The following SLC9C1 variants were observed in gnomAD, a reference collection of about 807,000 sequenced individuals.
SLC9C1 encodes the protein solute carrier family 9 member C1.
Under a neutral mutation model 140.9 loss-of-function variants are expected in SLC9C1, and 97 were observed. The observed-to-expected ratio is 0.69, with a 90% CI of 0.58 to 0.82. SLC9C1 has a LOEUF of 0.82. Ranked by LOEUF, SLC9C1 falls within the 40% of genes least tolerant of loss-of-function variation. The pLI is 0.00. For synonymous variants in SLC9C1, 440 were observed against 442.6 expected (o/e 0.99, Z 0.07); for missense variants, 1,340 against 1,389.3 (o/e 0.96, Z 0.56).
chr3:112,165,738 G>A (rs2077115765), intron 26 of SLC9C1, among the ~76,000 whole-genome samples: 1 of 152,332 alleles, frequency 6.6e-6, no homozygotes, highest in East Asian at 1.9e-4. Flanking sequence ...TGAGGAGGCA[G>A]TTTGTCCATT....
chr3:112,182,162 T>TA lies in SLC9C1; in HGVS notation c.2619dup (p.Lys874Ter). The TA allele has an allele frequency of 6.3e-7, 1 of 1,578,522 alleles. No homozygotes were observed. The highest frequency in any genetic ancestry group is 2.3e-5 in the East Asian group (1 of 43,924). On this transcript the variant is annotated frameshift_variant, in exon 21 of 29. Transcript: ENST00000305815. LOFTEE classifies it high-confidence loss of function. ...ATGAAGTTTATATAATCTTTGTTTT[T>TA]ATCTAGCCACGGAATATGATATAGA... is the stretch of plus-strand genomic sequence containing the variant.
chr3:112,182,339 T>C (rs1168146596), intron 20 of SLC9C1, 81 bp from the exon 21 acceptor site: 6 of 1,357,826 alleles, frequency 4.4e-6, no homozygotes, highest in Admixed American at 2.7e-5. Flanking sequence ...TTTGTACTAT[T>C]TCCTATTCTT....
chr3:112,178,600 AT>A (rs1446144418), intron 23 of SLC9C1, among the ~76,000 whole-genome samples: 1 of 152,004 alleles, frequency 6.6e-6, no homozygotes, highest in East Asian at 1.9e-4. Context: ...AGAACTTCAG[AT>A]TTTTTCTTGT....
At chr3:112,283,068 C>T (rs1010835143) in intron 2 of SLC9C1, among the ~76,000 whole-genome samples, 1 of 152,156 alleles carries the variant, frequency 6.6e-6, no homozygotes, top group Non-Finnish European at 1.5e-5. Flanking sequence ...GAGGAGTAAA[C>T]ATGGTACTGG....
chr3:112,167,364 T>C lies in SLC9C1; in HGVS notation c.3238-17A>G, dbSNP rs1392564634. On this transcript the variant is annotated splice_polypyrimidine_tract_variant and intron_variant, in intron 25 of 28. Transcript: ENST00000305815. ...ACTTTGTATCTGAAAGTTGACAGAATGCAAGTTAATTTCTGAGCAAATATC... is the reference window on the plus strand; with the variant it reads ...ACTTTGTATCTGAAAGTTGACAGAACGCAAGTTAATTTCTGAGCAAATATC... 4.5e-6 allele frequency: 7 copies of C among 1,565,818 alleles called. No homozygotes were observed. The highest frequency in any genetic ancestry group is 6.0e-6 in the Non-Finnish European group (7 of 1,159,052).
rs1250538753 is a variant in SLC9C1 at position 112,185,534 on chromosome 3, C to G, written c.2524-3276G>C. On this transcript the variant is annotated intron_variant, in intron 20 of 28. Coordinates refer to ENST00000305815, the MANE Select transcript of SLC9C1 (RefSeq NM_183061.3). Reference sequence around the variant, plus strand: ...CAGGTACAAAGACTTGCACAGGGGCCCCGTCAGGCGATCTCCGCAGCACAC... The same window carrying G: ...CAGGTACAAAGACTTGCACAGGGGCGCCGTCAGGCGATCTCCGCAGCACAC... 1.9e-6 allele frequency: 3 copies of G among 1,613,106 alleles called. No homozygotes were observed. The African/African-American group carries it at 4.0e-5, about 22-fold the overall frequency.
chr3:112,258,569 G>A (rs1231557379), intron 10 of SLC9C1, among the ~76,000 whole-genome samples: 2 of 152,018 alleles, frequency 1.3e-5, no homozygotes, highest in Admixed American at 1.3e-4. Flanking sequence ...GAGTATCTGG[G>A]ACTACAGGTG....
At chr3:112,187,582 T>C (rs1244697177) in intron 20 of SLC9C1, among the ~76,000 whole-genome samples, 1 of 152,146 alleles carries the variant, frequency 6.6e-6, no homozygotes, top group Non-Finnish European at 1.5e-5. Context: ...TCAAAAAAAA[T>C]TGTGGCAACT....
At chr3:112,195,434 C>A (rs2077749117) in intron 20 of SLC9C1, among the ~76,000 whole-genome samples, 1 of 151,898 alleles carries the variant, frequency 6.6e-6, no homozygotes, top group Non-Finnish European at 1.5e-5. Flanking sequence ...GAGTTTAATC[C>A]CTTTACATTT....
At position 112,262,996 on chromosome 3, in the gene SLC9C1, C is replaced by T. The variant is rs141074336; in HGVS notation, c.1125G>A (p.Met375Ile). The T allele has an allele frequency of 2.5e-6, 4 of 1,606,494 alleles. No homozygotes were observed. In the African/African-American group the frequency reaches 5.4e-5, roughly 22 times the overall value. ...FIMVCSEMKG[M>I]PNINMALLLA... ...GCAGAAGGGCCATGTTTATATTAGG[C>T]ATCCCCTTCATTTCACTACAGACCA... The change falls in exon 10 of 29, where the codon ATG (methionine) becomes ATA (isoleucine). Residue 375 changes from methionine to isoleucine, a missense_variant. Coordinates refer to ENST00000305815, the MANE Select transcript of SLC9C1 (RefSeq NM_183061.3).
At chr3:112,228,249 A>G (rs2078732309) in intron 13 of SLC9C1, among the ~76,000 whole-genome samples, 1 of 152,132 alleles carries the variant, frequency 6.6e-6, no homozygotes, top group Non-Finnish European at 1.5e-5. Flanking sequence ...TATATTACCT[A>G]TTTATAGCCA....
intron 14 of SLC9C1, among the ~76,000 whole-genome samples, chr3:112,218,008 C>T (rs559425655): frequency 3.3e-5 from 5 of 152,264 alleles, no homozygotes; most frequent in East Asian, 1.9e-4. Flanking sequence ...GCATCCAACT[C>T]ATATCACACA....
chr3:112,157,382 C>A (rs1576223059), intron 26 of SLC9C1, among the ~76,000 whole-genome samples: 1 of 152,046 alleles, frequency 6.6e-6, no homozygotes, highest in Admixed American at 6.6e-5. Context: ...ATCTATGTGT[C>A]TGTTTTTATG....
chr3:112,150,807 TATAAATACATATACATATATATATATATA>T (rs1481614090), intron 28 of SLC9C1, among the ~76,000 whole-genome samples: 16 of 48,440 alleles, frequency 3.3e-4, no homozygotes, highest in African/African-American at 1.4e-3. Context: ...TATATATATA[TATAAATACATATACATATATATATATATA>T]TATATTTTTT....
intron 10 of SLC9C1, among the ~76,000 whole-genome samples, chr3:112,250,290 A>T (rs2079416477): frequency 6.6e-6 from 1 of 151,430 alleles, no homozygotes; most frequent in Admixed American, 6.6e-5. Flanking sequence ...TATGTGCCAC[A>T]TTTTCTTAAT....
intron 10 of SLC9C1, among the ~76,000 whole-genome samples, chr3:112,245,807 A>T (rs2079266989): frequency 6.6e-6 from 1 of 152,180 alleles, no homozygotes. Context: ...CCAAGTCTTC[A>T]AATCCATATT....
At chr3:112,166,868 A>G (rs1313240441) in intron 26 of SLC9C1, among the ~76,000 whole-genome samples, 3 of 152,164 alleles carry the variant, frequency 2.0e-5, no homozygotes, top group Non-Finnish European at 2.9e-5. Context: ...AAAATTATTC[A>G]TCTAGTTCCA....
At chr3:112,190,257 C>G (rs1261951443) in intron 20 of SLC9C1, among the ~76,000 whole-genome samples, 2 of 152,176 alleles carry the variant, frequency 1.3e-5, no homozygotes, top group African/African-American at 4.8e-5. Flanking sequence ...CTGGCCAGAA[C>G]TTCTAACACT....
rs146754603 is a variant in SLC9C1, at chr3:112,149,768, A to G, written c.3524+2089T>C. Among the ~76,000 whole-genome samples the G allele has an allele frequency of 5.8e-3, 887 of 151,956 alleles. 13 individuals are homozygous for G. The highest frequency in any genetic ancestry group is 0.019 in the African/African-American group (792 of 41,432). ...TGAACAAGGCAAATGGGTGCTCTGAACACCTGAGATCTGCCTGGGTGGGGA... is the reference window on the plus strand; with the variant it reads ...TGAACAAGGCAAATGGGTGCTCTGAGCACCTGAGATCTGCCTGGGTGGGGA... On this transcript the variant is annotated intron_variant, in intron 28 of 28. Coordinates refer to ENST00000305815, the MANE Select transcript of SLC9C1 (RefSeq NM_183061.3).
Sources: allele counts gnomAD v4.1 joint callset (sites outside exome capture counted in the v4.1 genomes callset), GRCh38; gene constraint gnomAD v4.1.1; transcripts MANE v1.5; gene names NCBI Gene and HGNC (gene_info 2026-07-23, HGNC 2026-07-21).